RORA: variants seen among roughly 807,000 people sequenced by gnomAD.
RORA encodes the protein nuclear receptor ROR-alpha.
A neutral mutation model predicts 69.5 loss-of-function variants in RORA; 7 were observed. The ratio of observed to expected loss-of-function variants is 0.10; its 90% CI spans 0.06 to 0.19. The LOEUF (loss-of-function observed/expected upper bound fraction) is 0.19. RORA is among the 10% of genes least tolerant of loss of function. The pLI, the probability that RORA is intolerant of heterozygous loss-of-function variation, is 1.00. For synonymous variants in RORA, 261 were observed against 240.8 expected, an observed-to-expected ratio of 1.08 and a Z score of -0.78; for missense variants, 457 against 663.0, an observed-to-expected ratio of 0.69 and a Z score of 3.41.
At chr15:60,678,230 C>G (rs1404800800) in intron 2 of RORA, 1 of 155,068 alleles carries the variant, frequency 6.4e-6, no homozygotes, top group Non-Finnish European at 1.4e-5. Flanking sequence ...CATCTCTGCT[C>G]CACAGACATG....
chr15:60,964,897 G>A (rs1043349450), intron 1 of RORA, among the ~76,000 whole-genome samples: 4 of 152,156 alleles, frequency 2.6e-5, no homozygotes, highest in Non-Finnish European at 5.9e-5. Context: ...CAGTGGTGCA[G>A]GGGCAGTGGG....
At chr15:60,801,247 A>T (rs1334042407) in intron 1 of RORA, among the ~76,000 whole-genome samples, 2 of 152,154 alleles carry the variant, frequency 1.3e-5, no homozygotes, top group South Asian at 2.1e-4. Context: ...TACAGAAAAC[A>T]TTCTCTAAGT....
intron 1 of RORA, among the ~76,000 whole-genome samples, chr15:61,095,593 G>T (rs1038249360): frequency 1.2e-4 from 19 of 152,234 alleles, no homozygotes; most frequent in African/African-American, 4.1e-4. Flanking sequence ...GGAGAATGAG[G>T]TTGTGCAAGG....
At chr15:61,003,725 A>G (rs2140383523) in intron 1 of RORA, among the ~76,000 whole-genome samples, 1 of 152,346 alleles carries the variant, frequency 6.6e-6, no homozygotes, top group African/African-American at 2.4e-5. Flanking sequence ...GGTGGTGGGA[A>G]GACAGAAGAA....
chr15:61,203,396 T>C (rs1251743845), intron 1 of RORA, among the ~76,000 whole-genome samples: 12 of 152,248 alleles, frequency 7.9e-5, no homozygotes, highest in Non-Finnish European at 1.5e-5. Flanking sequence ...GATGGTTTCA[T>C]GAGTGTTTTC....
At position 60,827,321 on chromosome 15, in the gene RORA, C is replaced by T. The variant is rs565303719; in HGVS notation, c.167-148635G>A. On this transcript the variant is annotated intron_variant, in intron 1 of 10. Transcript: ENST00000335670. ...CAAACGTAAATGACTTCAAACAATG[C>T]GTTAGCTCGTGGAAATTGAGTCTTG... Among the ~76,000 whole-genome samples, 187 of 152,260 alleles carry T rather than the reference C, an allele frequency of 1.2e-3. 1 individual carries two copies. Among genetic ancestry groups the T allele is most frequent in the African/African-American group, 4.1e-3 (172 of 41,550 alleles).
chr15:61,105,038 A>T (rs910853924), intron 1 of RORA, among the ~76,000 whole-genome samples: 13 of 136,010 alleles, frequency 9.6e-5, no homozygotes, highest in African/African-American at 3.2e-4. Context: ...AGTCCATTAA[A>T]CCTCTTTTTC....
intron 1 of RORA, among the ~76,000 whole-genome samples, chr15:61,161,023 G>C (rs1269136941): frequency 6.6e-6 from 1 of 152,152 alleles, no homozygotes; most frequent in African/African-American, 2.4e-5. Flanking sequence ...TGAAGCAAAA[G>C]GACAGGGGAT....
intron 2 of RORA, among the ~76,000 whole-genome samples, chr15:60,576,774 G>A (rs952084539): frequency 1.3e-5 from 2 of 152,166 alleles, no homozygotes; most frequent in Non-Finnish European, 2.9e-5. Context: ...TCGCAGGCCT[G>A]CAAGGGCTTT....
At chr15:60,822,883 T>C (rs2072910234) in intron 1 of RORA, among the ~76,000 whole-genome samples, 2 of 152,176 alleles carry the variant, frequency 1.3e-5, no homozygotes, top group African/African-American at 2.4e-5. Context: ...AAGTGAAATG[T>C]CTTCCATCCA....
intron 1 of RORA, chr15:61,041,272 A>C (rs1289840725): frequency 6.6e-6 from 1 of 152,262 alleles, no homozygotes; most frequent in Non-Finnish European, 1.5e-5. Context: ...GGTAGGTTTC[A>C]CAGCCTCATG....
intron 2 of RORA, among the ~76,000 whole-genome samples, chr15:60,657,210 C>T (rs59732419): frequency 0.012 from 1,842 of 152,258 alleles, 39 homozygotes; most frequent in African/African-American, 0.04. Flanking sequence ...AAGCTACCTA[C>T]GCATTTCTGC....
At chr15:61,114,092 T>A (rs2079030159) in intron 1 of RORA, among the ~76,000 whole-genome samples, 1 of 152,216 alleles carries the variant, frequency 6.6e-6, no homozygotes, top group African/African-American at 2.4e-5. Flanking sequence ...AGTTCTTATT[T>A]CAGCCAACAA....
rs188742875 is a variant in RORA, at chr15:60,797,770, A to G, written c.167-119084T>C. ...AGCAGCAGTGGAGCCCTAGATCTGG[A>G]TGGGCTCATCGAGCAATTGCCAGCT... On this transcript the variant is annotated intron_variant, in intron 1 of 10. Coordinates refer to ENST00000335670, the MANE Select transcript of RORA (RefSeq NM_134261.3). Among the ~76,000 whole-genome samples the G allele has an allele frequency of 5.3e-5, 8 of 152,114 alleles. No individual in the cohort carries two copies. The East Asian group carries it at 1.5e-3, about 29-fold the overall frequency.
intron 10 of RORA, 89 bp downstream of exon 10, chr15:60,499,803 G>T: frequency 2.9e-6 from 2 of 698,918 alleles, no homozygotes; most frequent in South Asian, 1.9e-5. Flanking sequence ...TTTGGGAATT[G>T]GTCATATGAC....
intron 1 of RORA, among the ~76,000 whole-genome samples, chr15:60,744,948 G>C (rs758779854): frequency 1.3e-5 from 2 of 152,188 alleles, no homozygotes; most frequent in Non-Finnish European, 2.9e-5. Context: ...ATGCTGGAGG[G>C]CATGATGGGC....
intron 1 of RORA, among the ~76,000 whole-genome samples, chr15:61,162,186 A>T (rs2079501597): frequency 6.6e-6 from 1 of 152,172 alleles, no homozygotes; most frequent in African/African-American, 2.4e-5. Flanking sequence ...TCTGTAACGA[A>T]TGTTCTTTGC....
chr15:61,183,978 C>T lies in RORA; in HGVS notation c.166+45075G>A, dbSNP rs2079714520. 2.0e-5 allele frequency among the ~76,000 whole-genome samples: 3 copies of T among 152,172 alleles called. No homozygotes were observed. The South Asian group carries it at 6.2e-4, about 32-fold the overall frequency. On this transcript the variant is annotated intron_variant, in intron 1 of 10. Transcript: ENST00000335670. The stretch of plus-strand genomic sequence containing the variant: ...CTGCTCCCACACACCTCTGCCCTAA[C>T]CCAGTGATCCTCTCCTCATCTGTTA...
At chr15:61,034,474 T>C (rs1208494132) in intron 1 of RORA, among the ~76,000 whole-genome samples, 1 of 152,164 alleles carries the variant, frequency 6.6e-6, no homozygotes, top group Non-Finnish European at 1.5e-5. Flanking sequence ...TTCATTGTTA[T>C]TCCCTGTTAA....
Sources: gnomAD v4.1 joint callset for allele counts (sites outside exome capture counted in the v4.1 genomes callset) on GRCh38, gnomAD v4.1.1 for gene constraint, MANE v1.5 for transcripts, NCBI Gene and HGNC (gene_info 2026-07-23, HGNC 2026-07-21) for gene names.